ERLIN2: variants seen among roughly 807,000 people sequenced by gnomAD.
ERLIN2 encodes the protein ER lipid raft associated 2.
In ERLIN2, 22 loss-of-function variants were observed where a neutral mutation model predicts 41.5. The observed-to-expected ratio is 0.53, with a 90% CI of 0.38 to 0.76. The LOEUF (loss-of-function observed/expected upper bound fraction) is 0.76, where lower values mean the gene tolerates loss of function less well. ERLIN2 is among the 30% of genes least tolerant of loss of function. ERLIN2 has a pLI of 0.00. For missense variants in ERLIN2, 247 were observed against 414.3 expected (o/e 0.60, Z 3.51); for synonymous variants, 149 against 150.9 (o/e 0.99, Z 0.09).
In ERLIN2 at chr8:37,757,394, T is replaced by A. The variant is rs1401788485; in HGVS notation, c.*3279T>A. 5 of 152,134 alleles carry A rather than the reference T, an allele frequency of 3.3e-5. No individual in the cohort carries two copies. Among genetic ancestry groups the A allele is most frequent in the Non-Finnish European group, 7.4e-5 (5 of 68,014 alleles). 9.4% of individuals were successfully genotyped at this position (152,134 alleles called of 1,614,324 possible). On this transcript the variant is annotated 3_prime_UTR_variant, in exon 12 of 12. Coordinates refer to ENST00000519638, the MANE Select transcript of ERLIN2 (RefSeq NM_007175.8). The stretch of plus-strand genomic sequence containing the variant: ...TTATAAAACAGGTAATAACCAATCA[T>A]TTTGTGTTTGTATTTCCATTCCTTT...
chr8:37,751,198 C>A (rs1476093336), intron 9 of ERLIN2, among the ~76,000 whole-genome samples: 1 of 152,204 alleles, frequency 6.6e-6, no homozygotes, highest in Non-Finnish European at 1.5e-5. Flanking sequence ...ATACCATGCC[C>A]AAGGGCATAT....
chr8:37,744,728 T>G (rs371494084), intron 6 of ERLIN2, 32 bp downstream of exon 6: 4 of 1,613,790 alleles, frequency 2.5e-6, no homozygotes, highest in Non-Finnish European at 2.5e-6. Context: ...ATGCCGTGCT[T>G]AAGCAGGGTT....
rs1035584111 is a variant in ERLIN2, at chr8:37,741,937, G to T, written c.236+119G>T. ...CCTTTCTTGGTTAATTCCCTGTCTC[G>T]TAGCTCCCTATATTGATTTGACCAG... On this transcript the variant is annotated intron_variant, in intron 4 of 11. Coordinates refer to ENST00000519638, the MANE Select transcript of ERLIN2 (RefSeq NM_007175.8). This position sits in a 1 kb window ranked among gnomAD's most constrained non-coding sequence, Gnocchi z 4.8. 3.9e-6 allele frequency: 3 copies of T among 762,504 alleles called. No homozygotes were observed. Among genetic ancestry groups the T allele is most frequent in the Admixed American group, 3.8e-5 (2 of 52,134 alleles). 47.2% of individuals were successfully genotyped at this position (762,504 alleles called of 1,614,324 possible).
Position 37,755,138 on chromosome 8 carries a change from A to G in ERLIN2, c.*1023A>G, listed in dbSNP as rs1177504527. ...TGGGAGTGGGTCTGACTTAGTGATA[A>G]AAGGACTCTATTCACTAAGTAGCCT... On this transcript the variant is annotated 3_prime_UTR_variant, in exon 12 of 12. Coordinates refer to ENST00000519638, the MANE Select transcript of ERLIN2 (RefSeq NM_007175.8). 4 of 152,262 alleles carry G rather than the reference A, an allele frequency of 2.6e-5. No homozygotes were observed. Among genetic ancestry groups the G allele is most frequent in the African/African-American group, 9.7e-5 (4 of 41,450 alleles). The allele number at this position is 152,262 out of a possible 1,614,324, so 9.4% of individuals were successfully genotyped here.
chr8:37,750,091 G>C, intron 8 of ERLIN2: 1 of 630,520 alleles, frequency 1.6e-6, no homozygotes, highest in Non-Finnish European at 2.8e-6. Context: ...AAAAGGGCCA[G>C]GGGGCCTTGT....
rs1419398110 is a variant in ERLIN2, at chr8:37,741,819, G to A, written c.236+1G>A. On this transcript the variant is annotated splice_donor_variant, in intron 4 of 11. Transcript: ENST00000519638. LOFTEE classifies it high-confidence loss of function. The surrounding 1 kb of genome is among the most constrained non-coding windows in gnomAD (Gnocchi z 4.8). ...TGAAGAATGTACCTTGTGGGACTAGGTAAGGTACCCAGAATAAAGCTTTTA... is the reference window on the plus strand; with the variant it reads ...TGAAGAATGTACCTTGTGGGACTAGATAAGGTACCCAGAATAAAGCTTTTA... 1 of 1,611,370 alleles carries A rather than the reference G, an allele frequency of 6.2e-7. No homozygotes were observed. Among genetic ancestry groups the A allele is most frequent in the Non-Finnish European group, 8.5e-7 (1 of 1,177,478 alleles).
chr8:37,753,506 A>G lies in ERLIN2; in HGVS notation c.796A>G (p.Met266Val), dbSNP rs762893296. ...AKADAECYTAMKIAEANKLKL... is the reference protein window; with the variant it reads ...AKADAECYTAVKIAEANKLKL... ...GGCAGATGCTGAGTGCTACACTGCT[A>G]TGAAAATAGCCGAAGCCAATAAGGT... Residue 266 changes from methionine (M) to valine (V), a missense_variant, in exon 11 of 12, where the codon ATG becomes GTG. Met to Val is a conservative substitution (Grantham distance 21, BLOSUM62 1). Transcript: ENST00000519638. 6 of 1,614,024 alleles carry G rather than the reference A, an allele frequency of 3.7e-6. No homozygotes were observed. Among genetic ancestry groups the G allele is most frequent in the South Asian group, 2.2e-5 (2 of 91,084 alleles).
intron 6 of ERLIN2, chr8:37,748,083 CT>C: frequency 3.6e-6 from 4 of 1,112,396 alleles, no homozygotes; most frequent in Non-Finnish European, 4.1e-6. Flanking sequence ...CGCCTTGCGC[CT>C]TTTCCCTGCG....
At chr8:37,747,751 A>G (rs752644539) in intron 6 of ERLIN2, 13 of 1,602,588 alleles carry the variant, frequency 8.1e-6, no homozygotes, top group East Asian at 2.2e-5. Flanking sequence ...CTGTAGTTCA[A>G]TGCCTTCAGG....
At chr8:37,739,758 G>A (rs1376975780) in intron 2 of ERLIN2, among the ~76,000 whole-genome samples, 1 of 151,324 alleles carries the variant, frequency 6.6e-6, no homozygotes, top group Non-Finnish European at 1.5e-5. Flanking sequence ...GAGCCACCGC[G>A]CCTGGCCAGA....
At position 37,741,922 on chromosome 8, in the gene ERLIN2, T is replaced by C; in HGVS notation, c.236+104T>C. 1 of 858,678 alleles carries C rather than the reference T, an allele frequency of 1.2e-6. No homozygotes were observed. The highest frequency in any genetic ancestry group is 1.8e-5 in the Admixed American group (1 of 55,704). The allele number at this position is 858,678 out of a possible 1,614,324, so 53.2% of individuals were successfully genotyped here. The stretch of plus-strand genomic sequence containing the variant: ...TGAAAAGGGAGGCACCCTTTCTTGG[T>C]TAATTCCCTGTCTCGTAGCTCCCTA... On this transcript the variant is annotated intron_variant, in intron 4 of 11. Coordinates refer to ENST00000519638, the MANE Select transcript of ERLIN2 (RefSeq NM_007175.8). The surrounding 1 kb of genome is among the most constrained non-coding windows in gnomAD (Gnocchi z 4.8).
chr8:37,745,949 G>T, intron 6 of ERLIN2: 6 of 1,071,704 alleles, frequency 5.6e-6, no homozygotes, highest in Non-Finnish European at 6.8e-6. Context: ...ACTGAAAAAA[G>T]ACAAAGGATC....
intron 3 of ERLIN2, 115 bp downstream of exon 3, chr8:37,740,561 A>G: frequency 1.8e-6 from 1 of 560,390 alleles, no homozygotes; most frequent in East Asian, 4.6e-5. Context: ...AGAGAATGAT[A>G]TAAGGATAAT....
Position 37,749,834 on chromosome 8 carries a change from G to A in ERLIN2, c.539G>A (p.Arg180His), listed in dbSNP as rs372480451. The change falls in exon 8 of 12, where the codon CGC (arginine) becomes CAC (histidine). Residue 180 changes from arginine (R) to histidine (H), a missense_variant. Arg to His is a conservative substitution (Grantham distance 29). Transcript: ENST00000519638. ...VTKPNIPEAI[R>H]RNYELMESEK... ...AAGCCCAACATACCAGAGGCAATCC[G>A]CAGAAACTACGAGTTGATGTGAGTA... 5 of 1,613,952 alleles carry A rather than the reference G, an allele frequency of 3.1e-6. No individual in the cohort carries two copies. Among genetic ancestry groups the A allele is most frequent in the Admixed American group, 1.7e-5 (1 of 60,004 alleles).
intron 6 of ERLIN2, chr8:37,745,233 A>G (rs572562545): frequency 5.5e-5 from 25 of 450,744 alleles, no homozygotes; most frequent in African/African-American, 4.1e-4. Flanking sequence ...GACATGATTC[A>G]TAGTTAATTC....
At chr8:37,750,814 C>T (rs960725836) in intron 9 of ERLIN2, among the ~76,000 whole-genome samples, 10 of 152,090 alleles carry the variant, frequency 6.6e-5, no homozygotes, top group African/African-American at 2.4e-4. Flanking sequence ...GCCTCTGCCT[C>T]AGGTTCAAGT....
intron 6 of ERLIN2, chr8:37,747,557 C>T (rs1316775615): frequency 6.2e-7 from 1 of 1,612,304 alleles, no homozygotes; most frequent in Non-Finnish European, 8.5e-7. Flanking sequence ...TTGCCCATGT[C>T]TTTGGTCCGT....
In ERLIN2 at chr8:37,751,477, T is replaced by C. The variant is rs938524901; in HGVS notation, c.650-149T>C. 4.2e-5 allele frequency: 29 copies of C among 697,064 alleles called. 1 individual carries two copies. The African/African-American group carries it at 4.4e-4, about 11-fold the overall frequency. The allele number at this position is 697,064 out of a possible 1,614,324, so 43.2% of individuals were successfully genotyped here. A position where few individuals can be genotyped will look rare whatever the true frequency, so the allele number is the denominator to read the frequency against. ...TGGAAGGGGACTGTGCTCACTGGCA[T>C]ATCCCACTCTGCCCTTGTGTGCACT... On this transcript the variant is annotated intron_variant, in intron 9 of 11. Coordinates refer to ENST00000519638, the MANE Select transcript of ERLIN2 (RefSeq NM_007175.8).
Position 37,741,906 on chromosome 8 carries a change from A to T in ERLIN2, c.236+88A>T. On this transcript the variant is annotated intron_variant, in intron 4 of 11. Coordinates refer to ENST00000519638, the MANE Select transcript of ERLIN2 (RefSeq NM_007175.8). This position sits in a 1 kb window ranked among gnomAD's most constrained non-coding sequence, Gnocchi z 4.8. ...TTGCAGGAAGAGACAGTGAAAAGGGAGGCACCCTTTCTTGGTTAATTCCCT... is the reference window on the plus strand; with the variant it reads ...TTGCAGGAAGAGACAGTGAAAAGGGTGGCACCCTTTCTTGGTTAATTCCCT... The T allele has an allele frequency of 2.0e-6, 2 of 1,016,978 alleles. No individual in the cohort carries two copies. The highest frequency in any genetic ancestry group is 3.1e-6 in the Non-Finnish European group (2 of 639,760). 63.0% of individuals were successfully genotyped at this position (1,016,978 alleles called of 1,614,324 possible).
Sources: gnomAD v4.1 joint callset for allele counts (sites outside exome capture counted in the v4.1 genomes callset) on GRCh38, gnomAD v4.1.1 for gene constraint, Gnocchi (gnomAD v3.1) non-coding constraint, MANE v1.5 for transcripts, NCBI Gene and HGNC (gene_info 2026-07-23, HGNC 2026-07-21) for gene names.